NEDD4L: variants seen among roughly 807,000 people sequenced by gnomAD.
The protein encoded by NEDD4L is E3 ubiquitin-protein ligase NEDD4-like.
In NEDD4L, 54 loss-of-function variants were observed where a neutral mutation model predicts 148.9. The ratio of observed to expected loss-of-function variants is 0.36; its 90% CI spans 0.29 to 0.45. The LOEUF (loss-of-function observed/expected upper bound fraction) is 0.45, where lower values mean the gene tolerates loss of function less well. Ranked by LOEUF, NEDD4L falls within the 20% of genes least tolerant of loss-of-function variation. The probability of loss-of-function intolerance (pLI) is 1.00; values close to 1 mark genes in which losing one functional copy is unlikely to be tolerated. For synonymous variants in NEDD4L, 433 were observed against 440.7 expected (o/e 0.98, Z 0.22); for missense variants, 856 against 1,233.8 (o/e 0.69, Z 4.59).
intron 2 of NEDD4L, among the ~76,000 whole-genome samples, chr18:58,213,761 T>C (rs2042849154): frequency 1.3e-5 from 2 of 152,246 alleles, no homozygotes; most frequent in Admixed American, 1.3e-4. Context: ...GTTGTTGTTT[T>C]TTTTTTAATT....
intron 5 of NEDD4L, among the ~76,000 whole-genome samples, chr18:58,260,846 C>T (rs1281131175): frequency 1.3e-5 from 2 of 152,174 alleles, no homozygotes; most frequent in Non-Finnish European, 2.9e-5. Flanking sequence ...ATCCAAAGAG[C>T]CGTCCTCTGC....
chr18:58,332,088 C>T (rs961950088), intron 11 of NEDD4L, among the ~76,000 whole-genome samples: 2 of 152,102 alleles, frequency 1.3e-5, no homozygotes, highest in Non-Finnish European at 2.9e-5. Context: ...TATTTAAAAC[C>T]TATAAAAGCA....
intron 2 of NEDD4L, among the ~76,000 whole-genome samples, chr18:58,189,150 A>G (rs1298675711): frequency 6.6e-6 from 1 of 152,014 alleles, no homozygotes; most frequent in African/African-American, 2.4e-5. Flanking sequence ...GCAAGTACCT[A>G]TTTTTAGACT....
intron 1 of NEDD4L, among the ~76,000 whole-genome samples, chr18:58,093,397 A>G (rs141242721): frequency 1.1e-4 from 17 of 152,320 alleles, no homozygotes; most frequent in Non-Finnish European, 2.2e-4. Flanking sequence ...TCAAGCTATC[A>G]TGGTTGGTTA....
intron 4 of NEDD4L, among the ~76,000 whole-genome samples, chr18:58,249,452 CTTTTATA>C (rs2047645857): frequency 6.6e-6 from 1 of 152,078 alleles, no homozygotes; most frequent in Non-Finnish European, 1.5e-5. Flanking sequence ...TTTCCTCAAC[CTTTTATA>C]TTTAATATTT....
At chr18:58,077,927 G>T (rs1441368149) in intron 1 of NEDD4L, among the ~76,000 whole-genome samples, 1 of 152,042 alleles carries the variant, frequency 6.6e-6, no homozygotes, top group Admixed American at 6.6e-5. Context: ...CAGGGATGCT[G>T]CCGAGCATCC....
chr18:58,115,379 G>C (rs1187820591), intron 1 of NEDD4L, among the ~76,000 whole-genome samples: 3 of 151,642 alleles, frequency 2.0e-5, no homozygotes, highest in Non-Finnish European at 4.4e-5. Flanking sequence ...GCAATTCCCT[G>C]CTTACATTCA....
rs192231264 is a variant in NEDD4L at position 58,373,224 on chromosome 18, T to C, written c.2307T>C (p.Thr769=). ...AATGGATCCTGGAGAATGACCCTAC[T>C]GAGCTGGACCTCATGTTCTGCATAG... ...SLKWILENDP[T]ELDLMFCIDE... Residue 769 remains threonine (T), a synonymous_variant, in exon 24 of 31, where the codon ACT becomes ACC. Coordinates refer to ENST00000400345, the MANE Select transcript of NEDD4L (RefSeq NM_001144967.3). 39 of 1,580,796 alleles carry C rather than the reference T, an allele frequency of 2.5e-5. No homozygotes were observed. In the Admixed American group the frequency reaches 4.6e-4, roughly 19 times the overall value.
At chr18:58,314,032 C>T (rs2057989454) in intron 5 of NEDD4L, among the ~76,000 whole-genome samples, 1 of 152,214 alleles carries the variant, frequency 6.6e-6, no homozygotes, top group South Asian at 2.1e-4. Context: ...CACTACTCTG[C>T]TCACATTAAG....
At chr18:58,209,885 G>A (rs1319766844) in intron 2 of NEDD4L, among the ~76,000 whole-genome samples, 1 of 152,178 alleles carries the variant, frequency 6.6e-6, no homozygotes, top group Non-Finnish European at 1.5e-5. Context: ...AGGAATGAGA[G>A]GCCGGGCATG....
Position 58,329,081 on chromosome 18 carries a change from G to T in NEDD4L, c.767G>T (p.Ser256Ile). Residue 256 changes from serine (S) to isoleucine (I), a missense_variant, in exon 10 of 31, where the codon AGC (serine) becomes ATC (isoleucine). Physicochemically the swap from Ser to Ile is moderately radical, Grantham distance 142 (BLOSUM62 -2). Around this residue, in one of 4 missense-constraint regions of NEDD4L, gnomAD observed 367 missense variants for 422.7 expected, o/e 0.87. Coordinates refer to ENST00000400345, the MANE Select transcript of NEDD4L (RefSeq NM_001144967.3). ...HRRFRSRRHI[S>I]EDLEPEPSEG... ...CGCTTCCGCTCCCGCAGGCACATCA[G>T]CGAAGACTTGGAGCCCGAGCCCTCG... 6.2e-7 allele frequency: 1 copy of T among 1,614,046 alleles called. No homozygotes were observed. Among genetic ancestry groups the T allele is most frequent in the East Asian group, 2.2e-5 (1 of 44,874 alleles).
At chr18:58,123,682 C>CTGCTCATCAGTTCTCCAGCAG (rs1187093991) in intron 1 of NEDD4L, among the ~76,000 whole-genome samples, 1 of 152,166 alleles carries the variant, frequency 6.6e-6, no homozygotes, top group African/African-American at 2.4e-5. Context: ...AGAGAAAACT[C>CTGCTCATCAGTTCTCCAGCAG]TTTCATACCT....
At chr18:58,114,011 G>A (rs187419847) in intron 1 of NEDD4L, among the ~76,000 whole-genome samples, 21 of 152,266 alleles carry the variant, frequency 1.4e-4, no homozygotes, top group East Asian at 9.6e-4. Context: ...CATACCAGCC[G>A]CAGGGCACTT....
At chr18:58,104,730 G>C (rs376834238) in intron 1 of NEDD4L, among the ~76,000 whole-genome samples, 133 of 152,208 alleles carry the variant, frequency 8.7e-4, no homozygotes, top group African/African-American at 3.1e-3. Flanking sequence ...AGAAGTCACA[G>C]AACAATTGCA....
intron 9 of NEDD4L, 135 bp downstream of exon 9, chr18:58,325,297 C>A: frequency 9.7e-7 from 1 of 1,031,832 alleles, no homozygotes; most frequent in Non-Finnish European, 1.4e-6. Flanking sequence ...GTACGAGATT[C>A]CTCTCCATTT....
intron 13 of NEDD4L, among the ~76,000 whole-genome samples, chr18:58,336,297 G>T (rs960162891): frequency 6.6e-6 from 1 of 152,138 alleles, no homozygotes; most frequent in African/African-American, 2.4e-5. Context: ...GAATTTCCTG[G>T]CCGGGCACGG....
intron 19 of NEDD4L, among the ~76,000 whole-genome samples, chr18:58,362,761 A>G (rs1029770177): frequency 6.6e-6 from 1 of 152,236 alleles, no homozygotes; most frequent in Non-Finnish European, 1.5e-5. Context: ...GAGAATGAAC[A>G]CCAGAAAGTG....
chr18:58,104,325 C>G (rs569359687), intron 1 of NEDD4L, among the ~76,000 whole-genome samples: 1 of 152,116 alleles, frequency 6.6e-6, no homozygotes, highest in Non-Finnish European at 1.5e-5. Flanking sequence ...TCTCTAAGAT[C>G]GGGGCTGGGG....
Position 58,256,606 on chromosome 18 carries a change from C to T in NEDD4L, c.297+4552C>T. ...CTCCTGAAATCCGCAGGACGAACTCCGCGGAGAGGACTCCGCAGGGCCAGG... is the reference window on the plus strand; with the variant it reads ...CTCCTGAAATCCGCAGGACGAACTCTGCGGAGAGGACTCCGCAGGGCCAGG... On this transcript the variant is annotated intron_variant, in intron 5 of 30. Transcript: ENST00000400345. This position sits in a 1 kb window ranked among gnomAD's most constrained non-coding sequence, Gnocchi z 5.2. 10 of 1,232,204 alleles carry T rather than the reference C, an allele frequency of 8.1e-6. No homozygotes were observed. Among genetic ancestry groups the T allele is most frequent in the Non-Finnish European group, 9.1e-6 (9 of 988,024 alleles). 76.3% of individuals were successfully genotyped at this position (1,232,204 alleles called of 1,614,324 possible). A position where few individuals can be genotyped will look rare whatever the true frequency, so the allele number is the denominator to read the frequency against.
Sources: gnomAD v4.1 joint callset for allele counts (sites outside exome capture counted in the v4.1 genomes callset) on GRCh38, gnomAD v4.1.1 for gene constraint, gnomAD v4.1.1 regional missense constraint, Gnocchi (gnomAD v3.1) non-coding constraint, MANE v1.5 for transcripts, NCBI Gene and HGNC (gene_info 2026-07-23, HGNC 2026-07-21) for gene names.